The following MTHFS variants were observed in gnomAD, a reference collection of about 807,000 sequenced individuals.
MTHFS encodes 5-formyltetrahydrofolate cyclo-ligase.
Under a neutral mutation model 12.7 loss-of-function variants are expected in MTHFS, and 7 were observed. The ratio of observed to expected loss-of-function variants is 0.55; its 90% CI spans 0.31 to 1.03. The LOEUF (loss-of-function observed/expected upper bound fraction) is 1.03. Ranked by LOEUF, MTHFS falls within the 50% of genes least tolerant of loss-of-function variation. The pLI is 0.05. For synonymous variants in MTHFS, 100 were observed against 97.1 expected, an observed-to-expected ratio of 1.03 and a Z score of -0.18; for missense variants, 252 against 258.1, an observed-to-expected ratio of 0.98 and a Z score of 0.16.
chr15:79,855,932 G>A (rs1194575724), intron 2 of MTHFS, among the ~76,000 whole-genome samples: 3 of 152,076 alleles, frequency 2.0e-5, no homozygotes, highest in South Asian at 2.1e-4. Flanking sequence ...GGGCATTTAG[G>A]CTGATTCCAT....
chr15:79,850,921 C>A (rs796734825), intron 2 of MTHFS, among the ~76,000 whole-genome samples: 1 of 152,158 alleles, frequency 6.6e-6, no homozygotes, highest in Non-Finnish European at 1.5e-5. Context: ...ATTCTGGCAG[C>A]GAGGTAGCCT....
At chr15:79,865,404 G>A (rs1282479114) in intron 2 of MTHFS, among the ~76,000 whole-genome samples, 2 of 152,196 alleles carry the variant, frequency 1.3e-5, no homozygotes, top group African/African-American at 4.8e-5. Flanking sequence ...ATTTCTGCAA[G>A]ATATAATTTA....
chr15:79,851,480 C>G (rs1277568448), intron 2 of MTHFS, among the ~76,000 whole-genome samples: 1 of 152,122 alleles, frequency 6.6e-6, no homozygotes, highest in African/African-American at 2.4e-5. Flanking sequence ...TGTGAGATAC[C>G]TAACTCTTAA....
intron 2 of MTHFS, among the ~76,000 whole-genome samples, chr15:79,854,201 C>T (rs527482592): frequency 6.6e-6 from 1 of 152,274 alleles, no homozygotes; most frequent in East Asian, 1.9e-4. Flanking sequence ...GGACAGAAGG[C>T]ACACTCAAAC....
chr15:79,859,047 C>T (rs1247818028), intron 2 of MTHFS, among the ~76,000 whole-genome samples: 2 of 152,094 alleles, frequency 1.3e-5, no homozygotes, highest in Admixed American at 1.3e-4. Flanking sequence ...TGACTAGAAG[C>T]AAAAGCATTT....
At chr15:79,849,673 G>A (rs1300931384) in intron 2 of MTHFS, among the ~76,000 whole-genome samples, 1 of 152,260 alleles carries the variant, frequency 6.6e-6, no homozygotes, top group African/African-American at 2.4e-5. Context: ...CTCATTAATA[G>A]CGTCCACTGA....
At chr15:79,890,878 TG>T (rs1315015143) in intron 1 of MTHFS, among the ~76,000 whole-genome samples, 2 of 152,212 alleles carry the variant, frequency 1.3e-5, no homozygotes, top group Admixed American at 1.3e-4. Flanking sequence ...CTGGGGCTTT[TG>T]GCATCCAACT....
At chr15:79,871,130 G>C (rs1216216064) in intron 2 of MTHFS, among the ~76,000 whole-genome samples, 1 of 152,034 alleles carries the variant, frequency 6.6e-6, no homozygotes, top group Non-Finnish European at 1.5e-5. Flanking sequence ...GCAACAGAGT[G>C]AGACTCTGTC....
intron 2 of MTHFS, among the ~76,000 whole-genome samples, chr15:79,861,914 T>A (rs2033921998): frequency 6.6e-6 from 1 of 152,236 alleles, no homozygotes. Flanking sequence ...CACAAGTATG[T>A]TAACAGTGGT....
chr15:79,858,821 A>G (rs1015043178), intron 2 of MTHFS, among the ~76,000 whole-genome samples: 5 of 152,216 alleles, frequency 3.3e-5, no homozygotes, highest in African/African-American at 1.2e-4. Flanking sequence ...ATTTTATCAA[A>G]CTTAAGAAAA....
chr15:79,862,083 T>A (rs1030966251), intron 2 of MTHFS, among the ~76,000 whole-genome samples: 1 of 152,104 alleles, frequency 6.6e-6, no homozygotes, highest in African/African-American at 2.4e-5. Context: ...TTTTTTTTCC[T>A]TTTTGTTGTT....
At chr15:79,848,337 G>C (rs369936921) in intron 2 of MTHFS, among the ~76,000 whole-genome samples, 2 of 152,172 alleles carry the variant, frequency 1.3e-5, no homozygotes, top group African/African-American at 4.8e-5. Context: ...GTTACCAGGC[G>C]CAGGAGAAAG....
At chr15:79,858,297 T>G (rs753766961) in intron 2 of MTHFS, among the ~76,000 whole-genome samples, 5 of 152,160 alleles carry the variant, frequency 3.3e-5, no homozygotes, top group Non-Finnish European at 5.9e-5. Flanking sequence ...GGTAGAATAA[T>G]GTAAGTTCCA....
chr15:79,855,956 T>C (rs919342186), intron 2 of MTHFS, among the ~76,000 whole-genome samples: 1 of 152,236 alleles, frequency 6.6e-6, no homozygotes, highest in South Asian at 2.1e-4. Context: ...TTTGCTATTA[T>C]GAATAGTCCT....
At chr15:79,858,083 A>G (rs891168756) in intron 2 of MTHFS, among the ~76,000 whole-genome samples, 2 of 151,954 alleles carry the variant, frequency 1.3e-5, no homozygotes, top group African/African-American at 4.8e-5. Flanking sequence ...GGAAAAGAGC[A>G]GAAAAAAGTT....
intron 2 of MTHFS, among the ~76,000 whole-genome samples, chr15:79,881,310 G>T (rs983265653): frequency 1.4e-4 from 22 of 152,156 alleles, no homozygotes; most frequent in African/African-American, 5.1e-4. Flanking sequence ...CATTTAGCAG[G>T]CTAGCCCATC....
Position 79,897,000 on chromosome 15 carries a change from GCCGAGTC to G in MTHFS, c.-19_-13del. Reference sequence around the variant, plus strand: ...GCTGCCGCCGCCATCTCACGCCCAAGCCGAGTCCAGTCCCGCCCTCGGCGCCCTGGGC... The same window carrying G: ...GCTGCCGCCGCCATCTCACGCCCAAGCAGTCCCGCCCTCGGCGCCCTGGGC... On this transcript the variant is annotated 5_prime_UTR_variant, in exon 1 of 3. Transcript: ENST00000258874. 1 of 1,524,336 alleles carries G rather than the reference GCCGAGTC, an allele frequency of 6.6e-7. No individual in the cohort carries two copies. The highest frequency in any genetic ancestry group is 8.8e-7 in the Non-Finnish European group (1 of 1,141,750). 94.4% of individuals were successfully genotyped at this position (1,524,336 alleles called of 1,614,324 possible).
intron 2 of MTHFS, among the ~76,000 whole-genome samples, chr15:79,885,530 G>A (rs1430746872): frequency 6.6e-6 from 1 of 152,176 alleles, no homozygotes; most frequent in Non-Finnish European, 1.5e-5. Context: ...GGGTAGGGCT[G>A]CCGAGCTGGG....
intron 2 of MTHFS, among the ~76,000 whole-genome samples, chr15:79,872,403 C>G (rs1273907692): frequency 6.6e-6 from 1 of 152,126 alleles, no homozygotes; most frequent in African/African-American, 2.4e-5. Flanking sequence ...GTGAGTGATG[C>G]AGGACAGGTG....
Sources: gnomAD v4.1 joint callset for allele counts (sites outside exome capture counted in the v4.1 genomes callset) on GRCh38, gnomAD v4.1.1 for gene constraint, MANE v1.5 for transcripts, NCBI Gene and HGNC (gene_info 2026-07-23, HGNC 2026-07-21) for gene names.